Variants in STARD13 observed in about 807,000 individuals in gnomAD.
STARD13 encodes the protein stAR-related lipid transfer protein 13.
In STARD13, 62 loss-of-function variants were observed where a neutral mutation model predicts 106.4. The ratio of observed to expected loss-of-function variants is 0.58; its 90% CI spans 0.48 to 0.72. STARD13 has a LOEUF of 0.72. Among genes scored for constraint, STARD13 ranks in the 30% least tolerant of loss-of-function variants. The probability of loss-of-function intolerance (pLI) is 0.00; values close to 1 mark genes in which losing one functional copy is unlikely to be tolerated. For synonymous variants in STARD13, 565 were observed against 553.0 expected (o/e 1.02, Z -0.31); for missense variants, 1,387 against 1,424.0 (o/e 0.97, Z 0.42).
chr13:33,496,169 T>G, the STARD13 span, among the ~76,000 whole-genome samples: 1 of 145,358 alleles, frequency 6.9e-6, no homozygotes, highest in South Asian at 2.1e-4. Context: ...TAATTTCTAC[T>G]TATTTAAATA....
At chr13:33,461,784 T>C in the STARD13 span, among the ~76,000 whole-genome samples, 1,521 of 152,280 alleles carry the variant, frequency 1.0e-2, 30 homozygotes, top group African/African-American at 0.034. Context: ...TGCATATTTA[T>C]GCAAAATTTA....
Position 33,302,699 on chromosome 13 carries a change from G to A in STARD13, c.124+47591C>T, listed in dbSNP as rs928281522. 5.3e-5 allele frequency among the ~76,000 whole-genome samples: 8 copies of A among 152,162 alleles called. No individual in the cohort carries two copies. The South Asian group carries it at 1.7e-3, about 32-fold the overall frequency. ...TGGAATTACGGGCATGAGTTGCTGT[G>A]CCTGGCTTTATCTCATCTAATTCTA... On this transcript the variant is annotated intron_variant, in intron 1 of 5. Transcript: ENST00000567873.
chr13:33,403,923 A>G, the STARD13 span, among the ~76,000 whole-genome samples: 1 of 152,326 alleles, frequency 6.6e-6, no homozygotes, highest in South Asian at 2.1e-4. Flanking sequence ...ATTCTGGTCA[A>G]ACTTTTATCC....
rs775714821 is a variant in STARD13, at chr13:33,130,039, C to T, written c.638G>A (p.Gly213Asp). 6.2e-7 allele frequency: 1 copy of T among 1,613,512 alleles called. No homozygotes were observed. The highest frequency in any genetic ancestry group is 8.5e-7 in the Non-Finnish European group (1 of 1,179,888). The change falls in exon 5 of 14, where the codon GGC becomes GAC. Residue 213 changes from glycine (G) to aspartate (D), a missense_variant. Gly to Asp is a moderately conservative substitution (Grantham distance 94, BLOSUM62 -1). Transcript: ENST00000336934. This position sits in a 1 kb window ranked among gnomAD's most constrained non-coding sequence, Gnocchi z 4.1. Reference sequence around the variant, plus strand: ...GACCGGGTTGTCTGTACAGCACTGGCCCGGCTGGCTGCGACTGTCGCTGCC... The same window carrying T: ...GACCGGGTTGTCTGTACAGCACTGGTCCGGCTGGCTGCGACTGTCGCTGCC... Reference protein sequence around the residue: ...SGGSDSRSQPGQCCTDNPVML... With the variant: ...SGGSDSRSQPDQCCTDNPVML...
chr13:33,255,106 C>T (rs866111790), intron 1 of STARD13, among the ~76,000 whole-genome samples: 6 of 144,846 alleles, frequency 4.1e-5, no homozygotes, highest in African/African-American at 7.8e-5. Context: ...GCTCCCCCCC[C>T]CCTCAGAGGC....
intron 1 of STARD13, among the ~76,000 whole-genome samples, chr13:33,297,720 A>T (rs184434481): frequency 1.4e-4 from 21 of 152,326 alleles, no homozygotes; most frequent in Admixed American, 7.2e-4. Flanking sequence ...CTCCATTTTT[A>T]AAATATTCTA....
the STARD13 span, among the ~76,000 whole-genome samples, chr13:33,534,994 T>C: frequency 3.9e-5 from 6 of 152,018 alleles, no homozygotes; most frequent in Non-Finnish European, 5.9e-5. Context: ...GGCGGGCGGA[T>C]CACCTGAGGT....
intron 1 of STARD13, among the ~76,000 whole-genome samples, chr13:33,172,940 G>T (rs972422394): frequency 6.6e-6 from 1 of 152,036 alleles, no homozygotes; most frequent in African/African-American, 2.4e-5. Flanking sequence ...TTAAATGTTC[G>T]TTAAAAGTAC....
chr13:33,393,222 TAAAAAC>T, the STARD13 span, among the ~76,000 whole-genome samples: 4 of 152,206 alleles, frequency 2.6e-5, no homozygotes, highest in African/African-American at 9.6e-5. Context: ...TAAGAAAAAT[TAAAAAC>T]AAAATAGCTG....
chr13:33,538,495 A>G, the STARD13 span, among the ~76,000 whole-genome samples: 1 of 152,200 alleles, frequency 6.6e-6, no homozygotes, highest in Non-Finnish European at 1.5e-5. Context: ...GAGACCTAAC[A>G]AAGTCTAAAA....
intron 1 of STARD13, among the ~76,000 whole-genome samples, chr13:33,238,739 A>T (rs1251300977): frequency 6.6e-6 from 1 of 152,126 alleles, no homozygotes; most frequent in East Asian, 1.9e-4. Flanking sequence ...AATTTGTAGC[A>T]ATAATAATAG....
At chr13:33,662,385 T>C in the STARD13 span, among the ~76,000 whole-genome samples, 3 of 152,212 alleles carry the variant, frequency 2.0e-5, no homozygotes, top group Non-Finnish European at 2.9e-5. Context: ...TTACAGGTTG[T>C]ATAAAAATGA....
chr13:33,117,950 A>G (rs1233160041), intron 8 of STARD13, 115 bp downstream of exon 8: 31 of 1,526,062 alleles, frequency 2.0e-5, no homozygotes, highest in Non-Finnish European at 2.6e-5. Context: ...AGGATTACAT[A>G]CATCTTTATG....
intron 3 of STARD13, among the ~76,000 whole-genome samples, chr13:33,161,221 A>G (rs1312146569): frequency 6.6e-6 from 1 of 152,234 alleles, no homozygotes; most frequent in East Asian, 1.9e-4. Flanking sequence ...TATAGGTACA[A>G]AAAACAAATC....
chr13:33,360,200 C>T, the STARD13 span, among the ~76,000 whole-genome samples: 1 of 143,456 alleles, frequency 7.0e-6, no homozygotes, highest in African/African-American at 2.4e-5. Flanking sequence ...AGTTCAAAGG[C>T]AGTCGATTTT....
chr13:33,180,243 C>A (rs1308747740), intron 1 of STARD13, among the ~76,000 whole-genome samples: 1 of 152,168 alleles, frequency 6.6e-6, no homozygotes, highest in Non-Finnish European at 1.5e-5. Context: ...AGGATAATGG[C>A]AGTAAGAGCC....
At chr13:33,533,642 T>C in the STARD13 span, among the ~76,000 whole-genome samples, 2 of 152,216 alleles carry the variant, frequency 1.3e-5, no homozygotes, top group South Asian at 2.1e-4. Flanking sequence ...TTTATGCTTA[T>C]ATAAACTGAA....
chr13:33,396,849 GA>G, the STARD13 span, among the ~76,000 whole-genome samples: 5 of 152,308 alleles, frequency 3.3e-5, no homozygotes, highest in Admixed American at 2.0e-4. Flanking sequence ...TGAGGGAATG[GA>G]AATAGATAAG....
intron 1 of STARD13, among the ~76,000 whole-genome samples, chr13:33,312,892 C>A (rs1476836512): frequency 6.6e-6 from 1 of 152,164 alleles, no homozygotes; most frequent in African/African-American, 2.4e-5. Flanking sequence ...TTTGTTGAGC[C>A]AGATTTACCA....
Sources: gnomAD v4.1 joint callset for allele counts (sites outside exome capture counted in the v4.1 genomes callset) on GRCh38, gnomAD v4.1.1 for gene constraint, Gnocchi (gnomAD v3.1) non-coding constraint, MANE v1.5 for transcripts, NCBI Gene and HGNC (gene_info 2026-07-23, HGNC 2026-07-21) for gene names.